SYT14: variants seen among roughly 807,000 people sequenced by gnomAD.
SYT14 encodes synaptotagmin 14.
SYT14 carries 32 observed loss-of-function variants against 74.2 expected under a neutral mutation model. The observed-to-expected ratio is 0.43, with a 90% CI of 0.33 to 0.58. The LOEUF is 0.58. Ranked by LOEUF, SYT14 falls within the 20% of genes least tolerant of loss-of-function variation. The pLI, the probability that SYT14 is intolerant of heterozygous loss-of-function variation, is 0.05. For synonymous variants in SYT14, 298 were observed against 337.7 expected (o/e 0.88, Z 1.29); for missense variants, 791 against 981.8 (o/e 0.81, Z 2.60).
At chr1:210,066,428 G>A (rs1228841004) in intron 5 of SYT14, among the ~76,000 whole-genome samples, 1 of 152,182 alleles carries the variant, frequency 6.6e-6, no homozygotes, top group African/African-American at 2.4e-5. Flanking sequence ...TCTAACTGGT[G>A]TGAGATGCTA....
intron 5 of SYT14, among the ~76,000 whole-genome samples, chr1:210,044,187 T>C (rs1361096477): frequency 6.6e-6 from 1 of 152,176 alleles, no homozygotes; most frequent in Non-Finnish European, 1.5e-5. Context: ...AAGTCTTGGT[T>C]CAAGCACTTT....
chr1:209,974,248 A>G (rs377152478), intron 2 of SYT14, among the ~76,000 whole-genome samples: 28 of 151,878 alleles, frequency 1.8e-4, no homozygotes, highest in Non-Finnish European at 3.5e-4. Context: ...GGCTTTTGTT[A>G]CCATTGCTTT....
At chr1:210,047,299 CA>C (rs1035537628) in intron 5 of SYT14, among the ~76,000 whole-genome samples, 1 of 151,678 alleles carries the variant, frequency 6.6e-6, no homozygotes, top group African/African-American at 2.4e-5. Flanking sequence ...TTAATATAGC[CA>C]AAAAATAAAA....
At chr1:210,082,093 A>G (rs373909329) in intron 5 of SYT14, among the ~76,000 whole-genome samples, 21 of 152,242 alleles carry the variant, frequency 1.4e-4, no homozygotes, top group African/African-American at 5.1e-4. Flanking sequence ...GAGTAAATGT[A>G]GTTGTTAGAA....
intron 7 of SYT14, among the ~76,000 whole-genome samples, chr1:210,141,838 G>GT (rs1358783652): frequency 1.3e-5 from 2 of 152,172 alleles, no homozygotes; most frequent in Non-Finnish European, 2.9e-5. Flanking sequence ...ACCTTCTCAA[G>GT]TTTTTTCTGG....
At chr1:210,067,064 C>G (rs2081309639) in intron 5 of SYT14, among the ~76,000 whole-genome samples, 2 of 152,074 alleles carry the variant, frequency 1.3e-5, no homozygotes, top group Middle Eastern at 6.8e-3. Context: ...GAAGACTGTT[C>G]TTTCCCCATT....
chr1:209,942,788 C>T (rs545930041), intron 1 of SYT14, among the ~76,000 whole-genome samples: 2 of 152,206 alleles, frequency 1.3e-5, no homozygotes, highest in East Asian at 1.9e-4. Context: ...ACTCTGCAAA[C>T]TGTTTTGCCA....
chr1:210,098,868 G>C (rs762463690), intron 6 of SYT14, among the ~76,000 whole-genome samples: 14 of 152,080 alleles, frequency 9.2e-5, no homozygotes, highest in Non-Finnish European at 1.8e-4. Context: ...TTTTAGTAGA[G>C]ATGGCCATGT....
At chr1:209,986,870 C>T (rs1252052585) in intron 2 of SYT14, among the ~76,000 whole-genome samples, 1 of 152,174 alleles carries the variant, frequency 6.6e-6, no homozygotes, top group Non-Finnish European at 1.5e-5. Context: ...GATCCGCCCA[C>T]CTCAGCCTCC....
At chr1:210,108,285 AG>A (rs11353212) in intron 7 of SYT14, among the ~76,000 whole-genome samples, 87,863 of 151,936 alleles carry the variant, frequency 0.58, 25,874 homozygotes, top group African/African-American at 0.66. Flanking sequence ...AGGAAGAAAG[AG>A]GCAATAAGAG....
chr1:210,161,199 C>T, exon 10 of SYT14: 1 of 811,250 alleles, frequency 1.2e-6, no homozygotes, highest in Non-Finnish European at 2.1e-6. Context: ...ACGTCTCATA[C>T]TGACATAAAT....
At chr1:210,110,504 G>A (rs1255527794) in intron 7 of SYT14, among the ~76,000 whole-genome samples, 1 of 152,144 alleles carries the variant, frequency 6.6e-6, no homozygotes, top group Non-Finnish European at 1.5e-5. Context: ...GGAATAACCA[G>A]AATGAAAAGT....
chr1:210,049,281 G>GCA (rs2102371602), intron 5 of SYT14, among the ~76,000 whole-genome samples: 1 of 152,218 alleles, frequency 6.6e-6, no homozygotes, highest in African/African-American at 2.4e-5. Context: ...CCCTGCCCTA[G>GCA]CAGAGGATCT....
chr1:210,025,815 T>C (rs1289949104), intron 5 of SYT14, among the ~76,000 whole-genome samples: 1 of 152,186 alleles, frequency 6.6e-6, no homozygotes, highest in African/African-American at 2.4e-5. Flanking sequence ...TAAGTGACTT[T>C]AAGTTGATTT....
chr1:210,017,890 A>C (rs1051536319), intron 4 of SYT14, among the ~76,000 whole-genome samples: 2 of 152,200 alleles, frequency 1.3e-5, no homozygotes, highest in Non-Finnish European at 2.9e-5. Context: ...TTATTTATAA[A>C]ATACACATCT....
intron 5 of SYT14, among the ~76,000 whole-genome samples, chr1:210,038,385 G>A (rs1317952434): frequency 6.6e-6 from 1 of 151,982 alleles, no homozygotes; most frequent in Non-Finnish European, 1.5e-5. Context: ...GCCAATGTTT[G>A]TCTTTTAAAT....
At chr1:209,978,680 C>T (rs762330267) in intron 2 of SYT14, among the ~76,000 whole-genome samples, 3 of 152,176 alleles carry the variant, frequency 2.0e-5, no homozygotes, top group East Asian at 1.9e-4. Context: ...GCAGTCTGTC[C>T]GTTCTCAGAT....
exon 4 of SYT14, chr1:210,016,391 T>C: frequency 8.1e-7 from 1 of 1,232,032 alleles, no homozygotes; most frequent in Non-Finnish European, 1.0e-6. Context: ...ACAAACTCTA[T>C]CAGAATATCA....
intron 5 of SYT14, among the ~76,000 whole-genome samples, chr1:210,091,000 G>A (rs1475496448): frequency 6.6e-6 from 1 of 152,168 alleles, no homozygotes; most frequent in Admixed American, 6.5e-5. Flanking sequence ...TTCAAAACTT[G>A]GAGGATATGG....
Sources: allele counts gnomAD v4.1 joint callset (sites outside exome capture counted in the v4.1 genomes callset), GRCh38; gene constraint gnomAD v4.1.1; transcripts MANE v1.5; gene names NCBI Gene and HGNC (gene_info 2026-07-23, HGNC 2026-07-21).